The following RCAN2 variants were observed in gnomAD, a reference collection of about 807,000 sequenced individuals.
The protein encoded by RCAN2 is regulator of calcineurin 2.
In RCAN2, 9 loss-of-function variants were observed where a neutral mutation model predicts 23.6. That is an observed-to-expected ratio of 0.38 (90% CI 0.23 to 0.67). The LOEUF (loss-of-function observed/expected upper bound fraction) is 0.67, where lower values mean the gene tolerates loss of function less well. Ranked by LOEUF, RCAN2 falls within the 30% of genes least tolerant of loss-of-function variation. RCAN2 has a pLI of 0.51. For missense variants in RCAN2, 273 were observed against 302.3 expected, an observed-to-expected ratio of 0.90 and a Z score of 0.72; for synonymous variants, 109 against 115.7, an observed-to-expected ratio of 0.94 and a Z score of 0.37.
At chr6:46,230,221 G>C (rs187056680) in intron 4 of RCAN2, among the ~76,000 whole-genome samples, 42 of 152,280 alleles carry the variant, frequency 2.8e-4, no homozygotes, top group African/African-American at 1.0e-3. Flanking sequence ...GCTACTCAGG[G>C]GTCAGGGAAC....
chr6:46,428,583 A>C (rs1421400448), intron 2 of RCAN2, among the ~76,000 whole-genome samples: 2 of 152,212 alleles, frequency 1.3e-5, no homozygotes, highest in African/African-American at 2.4e-5. Flanking sequence ...CCAGTCTCTG[A>C]CCTGGAAAGT....
At chr6:46,489,978 CT>C in intron 1 of RCAN2, among the ~76,000 whole-genome samples, 1 of 152,354 alleles carries the variant, frequency 6.6e-6, no homozygotes, top group Admixed American at 6.5e-5. Context: ...TGACCTGCCT[CT>C]TGATCCTTTC....
At chr6:46,301,251 C>A (rs147137620) in intron 2 of RCAN2, among the ~76,000 whole-genome samples, 1 of 152,012 alleles carries the variant, frequency 6.6e-6, no homozygotes, top group Non-Finnish European at 1.5e-5. Context: ...ATTGAGAATG[C>A]CTCTTATTCA....
intron 2 of RCAN2, among the ~76,000 whole-genome samples, chr6:46,288,525 T>A (rs541243572): frequency 1.3e-5 from 2 of 152,374 alleles, no homozygotes; most frequent in African/African-American, 4.8e-5. Flanking sequence ...AACCTATGGA[T>A]GATTTGAGGC....
intron 1 of RCAN2, among the ~76,000 whole-genome samples, chr6:46,489,332 T>G (rs1561925683): frequency 1.3e-5 from 2 of 152,260 alleles, no homozygotes; most frequent in Non-Finnish European, 2.9e-5. Context: ...ATTTATTTTC[T>G]TCTCCTTTTC....
At chr6:46,306,671 A>G (rs1037294660) in intron 2 of RCAN2, among the ~76,000 whole-genome samples, 2 of 152,080 alleles carry the variant, frequency 1.3e-5, no homozygotes, top group Admixed American at 1.3e-4. Context: ...TATGAGCTCT[A>G]TTTTGGAATT....
chr6:46,228,256 T>C (rs1334850288), intron 4 of RCAN2, among the ~76,000 whole-genome samples: 2 of 152,178 alleles, frequency 1.3e-5, no homozygotes, highest in African/African-American at 2.4e-5. Flanking sequence ...ATTCTGTTGA[T>C]TTGGGGTGGA....
intron 2 of RCAN2, among the ~76,000 whole-genome samples, chr6:46,403,156 G>A (rs1766305644): frequency 1.3e-5 from 2 of 151,992 alleles, no homozygotes; most frequent in African/African-American, 2.4e-5. Flanking sequence ...TAGTAGAGAC[G>A]GGGTTTCACC....
chr6:46,429,614 T>A (rs1014197484), intron 2 of RCAN2, among the ~76,000 whole-genome samples: 2 of 152,222 alleles, frequency 1.3e-5, no homozygotes, highest in East Asian at 3.8e-4. Context: ...CTAAAAGGTA[T>A]TGTATTCATT....
intron 1 of RCAN2, among the ~76,000 whole-genome samples, chr6:46,467,708 C>T (rs1300928365): frequency 1.3e-5 from 2 of 152,236 alleles, no homozygotes; most frequent in Non-Finnish European, 2.9e-5. Flanking sequence ...CACAGTAGTA[C>T]CTACTTCACT....
intron 2 of RCAN2, among the ~76,000 whole-genome samples, chr6:46,443,934 C>A (rs1463057605): frequency 6.6e-6 from 1 of 152,146 alleles, no homozygotes; most frequent in South Asian, 2.1e-4. Flanking sequence ...TTTTTTATCT[C>A]TCTAAATAAT....
At chr6:46,337,290 T>C (rs958458232) in intron 2 of RCAN2, among the ~76,000 whole-genome samples, 14 of 152,216 alleles carry the variant, frequency 9.2e-5, no homozygotes, top group African/African-American at 2.7e-4. Flanking sequence ...TAGTTCTGAG[T>C]AGTCAAAACT....
intron 2 of RCAN2, among the ~76,000 whole-genome samples, chr6:46,312,630 A>G (rs1323070004): frequency 2.0e-5 from 3 of 152,076 alleles, no homozygotes; most frequent in Non-Finnish European, 4.4e-5. Context: ...CAGAAACCTT[A>G]CCCTTGTTGA....
At chr6:46,400,379 G>A (rs1432798368) in intron 2 of RCAN2, among the ~76,000 whole-genome samples, 2 of 152,156 alleles carry the variant, frequency 1.3e-5, no homozygotes, top group Non-Finnish European at 2.9e-5. Flanking sequence ...TCTTAGAAGC[G>A]AAGGCAGACC....
intron 2 of RCAN2, among the ~76,000 whole-genome samples, chr6:46,273,828 C>T (rs559801100): frequency 1.4e-4 from 21 of 152,066 alleles, no homozygotes; most frequent in African/African-American, 4.8e-4. Flanking sequence ...ATGATCATTT[C>T]CTTTTTAGAG....
At chr6:46,470,204 G>A (rs952219038) in intron 1 of RCAN2, among the ~76,000 whole-genome samples, 31 of 152,008 alleles carry the variant, frequency 2.0e-4, no homozygotes, top group Middle Eastern at 3.4e-3. Context: ...TAGTGCAGCC[G>A]ACAGACTCCT....
At chr6:46,428,279 T>C (rs1277472656) in intron 2 of RCAN2, among the ~76,000 whole-genome samples, 2 of 152,078 alleles carry the variant, frequency 1.3e-5, no homozygotes, top group African/African-American at 2.4e-5. Context: ...ATATTTTTAC[T>C]CCCTGATCAA....
Position 46,221,909 on chromosome 6 carries a change from A to G in RCAN2, c.*1232T>C, listed in dbSNP as rs1481151133. 1.5e-5 allele frequency: 6 copies of G among 398,400 alleles called. No individual in the cohort carries two copies. The highest frequency in any genetic ancestry group is 8.2e-5 in the African/African-American group (4 of 48,606). The allele number at this position is 398,400 out of a possible 1,614,324, so 24.7% of individuals were successfully genotyped here. ...GAAATAGAAAAATCACACGTAACAA[A>G]AACAAATAACTTTTTTGAGCACACG... is the stretch of plus-strand genomic sequence containing the variant. On this transcript the variant is annotated 3_prime_UTR_variant, in exon 5 of 5. Transcript: ENST00000371374.
intron 2 of RCAN2, among the ~76,000 whole-genome samples, chr6:46,407,661 G>A (rs1485377302): frequency 6.6e-6 from 1 of 152,164 alleles, no homozygotes; most frequent in African/African-American, 2.4e-5. Context: ...TTTCCAAATG[G>A]CTAATTGTGC....
Sources: gnomAD v4.1 joint callset for allele counts (sites outside exome capture counted in the v4.1 genomes callset) on GRCh38, gnomAD v4.1.1 for gene constraint, MANE v1.5 for transcripts, NCBI Gene and HGNC (gene_info 2026-07-23, HGNC 2026-07-21) for gene names.